UBR4: variants seen among roughly 807,000 people sequenced by gnomAD.
The protein encoded by UBR4 is E3 ubiquitin-protein ligase UBR4.
Under a neutral mutation model 575.6 loss-of-function variants are expected in UBR4, and 124 were observed. The ratio of observed to expected loss-of-function variants is 0.22; its 90% CI spans 0.19 to 0.25. The LOEUF (loss-of-function observed/expected upper bound fraction) is 0.25, where lower values mean the gene tolerates loss of function less well. UBR4 is among the 10% of genes least tolerant of loss of function. The probability of loss-of-function intolerance (pLI) is 1.00; values close to 1 mark genes in which losing one functional copy is unlikely to be tolerated. For missense variants in UBR4, 4,818 were observed against 6,478.8 expected, an observed-to-expected ratio of 0.74 and a Z score of 8.80; for synonymous variants, 2,455 against 2,473.7, an observed-to-expected ratio of 0.99 and a Z score of 0.22.
intron 27 of UBR4, among the ~76,000 whole-genome samples, chr1:19,168,447 CA>C (rs150810066): frequency 0.019 from 2,876 of 152,146 alleles, 89 homozygotes; most frequent in African/African-American, 0.066. Context: ...TAATATAATG[CA>C]CTATATCTAA....
In UBR4 at chr1:19,120,233, G is replaced by A; in HGVS notation, c.10257C>T (p.Ser3419=). ...CCTGCCAGCGCACCGAGGAAGAATT[G>A]GACTCTAACAGGAAACAACGCAGGA... The part of the protein sequence containing the change: ...IQFLRCFLLE[S]NSSSVRWQAH... Residue 3419 remains serine, a synonymous_variant, in exon 69 of 106, where the codon TCC becomes TCT. Coordinates refer to ENST00000375254, the MANE Select transcript of UBR4 (RefSeq NM_020765.3). 1.2e-6 allele frequency: 2 copies of A among 1,614,118 alleles called. No homozygotes were observed. Among genetic ancestry groups the A allele is most frequent in the Non-Finnish European group, 1.7e-6 (2 of 1,180,014 alleles).
intron 1 of UBR4, among the ~76,000 whole-genome samples, chr1:19,209,516 T>C (rs2093198686): frequency 6.6e-6 from 1 of 152,160 alleles, no homozygotes; most frequent in Non-Finnish European, 1.5e-5. Flanking sequence ...GGGAAAATGA[T>C]CTCTCAGACA....
intron 2 of UBR4, 74 bp downstream of exon 2, chr1:19,201,644 T>C (rs900845453): frequency 7.5e-7 from 1 of 1,326,836 alleles, no homozygotes; most frequent in Admixed American, 2.0e-5. Context: ...CTTTTTCAGA[T>C]ACACTAACGA....
intron 28 of UBR4, among the ~76,000 whole-genome samples, chr1:19,167,685 G>A (rs149951615): frequency 3.3e-5 from 5 of 152,266 alleles, no homozygotes; most frequent in East Asian, 1.9e-4. Flanking sequence ...CCCTACAATG[G>A]TGGGAATTTA....
In UBR4 at chr1:19,160,182, T is replaced by A; in HGVS notation, c.5506A>T (p.Ser1836Cys). ...TCACTGAGGGCTTGCTGAGCACGGC[T>A]GCTGCTCCCGACGGCTGAAGCTTGC... is the stretch of plus-strand genomic sequence containing the variant. Reference protein sequence around the residue: ...FQQASAVGSSSRAQQALSELH... With the variant: ...FQQASAVGSSCRAQQALSELH... Residue 1836 changes from serine to cysteine, a missense_variant, in exon 39 of 106, where the codon AGC becomes TGC. Physicochemically the swap from Ser to Cys is moderately radical, Grantham distance 112. This residue lies in a region of UBR4 where 159 missense variants were observed against 174.6 expected (regional missense o/e 0.91). Transcript: ENST00000375254. The A allele has an allele frequency of 6.2e-7, 1 of 1,614,054 alleles. No individual in the cohort carries two copies. Among genetic ancestry groups the A allele is most frequent in the Non-Finnish European group, 8.5e-7 (1 of 1,180,006 alleles).
chr1:19,090,791 G>T lies in UBR4; in HGVS notation c.14212-1814C>A, dbSNP rs186493137. 4.0e-3 allele frequency among the ~76,000 whole-genome samples: 603 copies of T among 152,266 alleles called. 4 individuals are homozygous for T. The highest frequency in any genetic ancestry group is 0.013 in the African/African-American group (536 of 41,546). On this transcript the variant is annotated intron_variant, in intron 97 of 105. Coordinates refer to ENST00000375254, the MANE Select transcript of UBR4 (RefSeq NM_020765.3). ...ATTCTAAAGAAAGTAATTCAATTTG[G>T]TAACTAAGAATAAATCTGGATGGCC... is the stretch of plus-strand genomic sequence containing the variant.
In UBR4 at chr1:19,106,892, G is replaced by C. The variant is rs2149209176; in HGVS notation, c.12180C>G (p.Leu4060=). The C allele has an allele frequency of 6.2e-7, 1 of 1,613,708 alleles. No individual in the cohort carries two copies. Among genetic ancestry groups the C allele is most frequent in the East Asian group, 2.2e-5 (1 of 44,860 alleles). Residue 4060 remains leucine (L), a synonymous_variant, in exon 82 of 106, where the codon CTC becomes CTG. Transcript: ENST00000375254. ...CATAGGATGCCTTGGGGTCTCTCTT[G>C]AGCCACAGTTGAGCCTGGGCATGGA... is the stretch of plus-strand genomic sequence containing the variant. The part of the protein sequence containing the change: ...NEIHAQAQLW[L]KRDPKASYDA...
At position 19,106,700 on chromosome 1, in the gene UBR4, T is replaced by TG; in HGVS notation, c.12261dup (p.Ser4088GlnfsTer12). ...TAGAGATGGCGGAGCTCTGATTTGC[T>TG]GGGGGCTTTCCCATTGCCATCTATC... On this transcript the variant is annotated frameshift_variant, in exon 83 of 106. Coordinates refer to ENST00000375254, the MANE Select transcript of UBR4 (RefSeq NM_020765.3). LOFTEE classifies it high-confidence loss of function. 1 of 1,604,172 alleles carries TG rather than the reference T, an allele frequency of 6.2e-7. No homozygotes were observed. The highest frequency in any genetic ancestry group is 1.1e-5 in the South Asian group (1 of 89,462).
chr1:19,190,292 CAAAAA>C (rs1184892281), intron 11 of UBR4, among the ~76,000 whole-genome samples: 2 of 40,396 alleles, frequency 5.0e-5, no homozygotes, highest in East Asian at 9.8e-4. Context: ...GACTCTGCCT[CAAAAA>C]AAAAAAAAAA....
At chr1:19,149,814 A>G (rs983854697) in intron 49 of UBR4, 111 of 545,586 alleles carry the variant, frequency 2.0e-4, no homozygotes, top group Non-Finnish European at 2.7e-4. Flanking sequence ...AGAAGCAAAG[A>G]AAAAAAAAAA....
rs1194060743 is a variant in UBR4 at position 19,113,965 on chromosome 1, C to T, written c.11308G>A (p.Ala3770Thr). 1.2e-6 allele frequency: 2 copies of T among 1,614,230 alleles called. No individual in the cohort carries two copies. The highest frequency in any genetic ancestry group is 1.1e-5 in the South Asian group (1 of 91,088). ...LENLLCKVNE[A>T]APEKPQDDSG... is the part of the protein sequence containing the mutation. ...ACTACCTGTGGCTTTTCTGGAGCTGCCTCATTCACTTTGCAGAGCAGGTTC... is the reference window on the plus strand; with the variant it reads ...ACTACCTGTGGCTTTTCTGGAGCTGTCTCATTCACTTTGCAGAGCAGGTTC... Residue 3770 changes from alanine (A) to threonine (T), a missense_variant, in exon 76 of 106, where the codon GCA becomes ACA. Physicochemically the swap from Ala to Thr is moderately conservative, Grantham distance 58. Coordinates refer to ENST00000375254, the MANE Select transcript of UBR4 (RefSeq NM_020765.3).
chr1:19,201,495 G>A (rs1390649598), intron 2 of UBR4, among the ~76,000 whole-genome samples: 2 of 152,144 alleles, frequency 1.3e-5, no homozygotes, highest in African/African-American at 4.8e-5. Context: ...TTATAAAGCA[G>A]GTGTCCAAGC....
chr1:19,075,112 G>A, intron 105 of UBR4: 1 of 589,536 alleles, frequency 1.7e-6, no homozygotes, highest in East Asian at 2.9e-5. Flanking sequence ...CTGCTGGAAG[G>A]TGTTTTTGTT....
Position 19,173,240 on chromosome 1 carries a change from T to C in UBR4, c.3232A>G (p.Thr1078Ala). 1 of 1,614,218 alleles carries C rather than the reference T, an allele frequency of 6.2e-7. No individual in the cohort carries two copies. Among genetic ancestry groups the C allele is most frequent in the Non-Finnish European group, 8.5e-7 (1 of 1,180,028 alleles). The change falls in exon 24 of 106, where the codon ACT (threonine) becomes GCT (alanine). Residue 1078 changes from threonine to alanine, a missense_variant. By Grantham distance (58) the Thr-to-Ala change is moderately conservative (BLOSUM62 0). Coordinates refer to ENST00000375254, the MANE Select transcript of UBR4 (RefSeq NM_020765.3). ...TCATATTTCACTGAGCTACACTTAGTGGTGGATGCCAGTTCTAGAAGCGAG... is the reference window on the plus strand; with the variant it reads ...TCATATTTCACTGAGCTACACTTAGCGGTGGATGCCAGTTCTAGAAGCGAG... ...ASSLLELAST[T>A]KCSSVKYDVE...
chr1:19,134,974 T>C (rs1400556424), intron 60 of UBR4, among the ~76,000 whole-genome samples: 1 of 152,200 alleles, frequency 6.6e-6, no homozygotes, highest in African/African-American at 2.4e-5. Context: ...TTTTTCCTTT[T>C]AATGCTTTTG....
intron 34 of UBR4, among the ~76,000 whole-genome samples, chr1:19,162,933 T>TAGAGTATGA (rs1445043698): frequency 1.3e-5 from 2 of 152,198 alleles, no homozygotes; most frequent in African/African-American, 2.4e-5. Flanking sequence ...AAGACCAGAT[T>TAGAGTATGA]AGAGTATGAA....
At position 19,192,431 on chromosome 1, in the gene UBR4, CAGAG is replaced by C. The variant is rs1210629749; in HGVS notation, c.1203+46_1203+49del. 6.2e-6 allele frequency: 10 copies of C among 1,614,156 alleles called. No homozygotes were observed. In the East Asian group the frequency reaches 6.7e-5, roughly 11 times the overall value. ...CATAATCATAGAGATATTTACATCT[CAGAG>C]AGGACAAGATAGGAAGTATGCAGCA... is the stretch of plus-strand genomic sequence containing the variant. On this transcript the variant is annotated intron_variant, in intron 10 of 105. Transcript: ENST00000375254.
chr1:19,100,167 G>T lies in UBR4; in HGVS notation c.13221+209C>A. On this transcript the variant is annotated intron_variant, in intron 89 of 105. Transcript: ENST00000375254. The surrounding 1 kb of genome is among the most constrained non-coding windows in gnomAD (Gnocchi z 4.2). Reference sequence around the variant, plus strand: ...TTAACAATATGCTTACTTCCTGCCAGGCACTGGGCAGAGCCCTTTACAGGT... The same window carrying T: ...TTAACAATATGCTTACTTCCTGCCATGCACTGGGCAGAGCCCTTTACAGGT... 1 of 585,860 alleles carries T rather than the reference G, an allele frequency of 1.7e-6. No individual in the cohort carries two copies. Among genetic ancestry groups the T allele is most frequent in the South Asian group, 2.3e-5 (1 of 43,916 alleles). The allele number at this position is 585,860 out of a possible 1,614,324, so 36.3% of individuals were successfully genotyped here. A position where few individuals can be genotyped will look rare whatever the true frequency, so the allele number is the denominator to read the frequency against.
At position 19,089,074 on chromosome 1, in the gene UBR4, C is replaced by CA. The variant is rs912748561; in HGVS notation, c.14212-98dup. 3 of 1,191,688 alleles carry CA rather than the reference C, an allele frequency of 2.5e-6. No homozygotes were observed. The African/African-American group carries it at 4.6e-5, about 18-fold the overall frequency. The allele number at this position is 1,191,688 out of a possible 1,614,324, so 73.8% of individuals were successfully genotyped here. On this transcript the variant is annotated intron_variant, in intron 97 of 105. Transcript: ENST00000375254. The surrounding 1 kb of genome is among the most constrained non-coding windows in gnomAD (Gnocchi z 4.3). ...GTTTAGAAACTCAACCAGCATGCAC[C>CA]ATCTCATGTCACCTGCTCAGCTGCA...
Sources: allele counts gnomAD v4.1 joint callset (sites outside exome capture counted in the v4.1 genomes callset), GRCh38; gene constraint gnomAD v4.1.1; regional missense constraint gnomAD v4.1.1; non-coding constraint Gnocchi (gnomAD v3.1); transcripts MANE v1.5; gene names NCBI Gene and HGNC (gene_info 2026-07-23, HGNC 2026-07-21).